LHCGR: variants seen among roughly 807,000 people sequenced by gnomAD.
The protein encoded by LHCGR is lutropin-choriogonadotropic hormone receptor.
A neutral mutation model predicts 60.7 loss-of-function variants in LHCGR; 55 were observed. That is an observed-to-expected ratio of 0.91 (90% CI 0.73 to 1.13). The LOEUF is 1.13. Among genes scored for constraint, LHCGR ranks in the 50% most tolerant of loss-of-function variants. The pLI, the probability that LHCGR is intolerant of heterozygous loss-of-function variation, is 0.00. For synonymous variants in LHCGR, 337 were observed against 316.5 expected, an observed-to-expected ratio of 1.06 and a Z score of -0.69; for missense variants, 862 against 836.0, an observed-to-expected ratio of 1.03 and a Z score of -0.38.
At position 48,710,008 on chromosome 2, in the gene LHCGR, G is replaced by A. The variant is rs184058760; in HGVS notation, c.606-986C>T. ...TACCGTTGATGTGATGATTTCAAGC[G>A]TGGGAACATGATTCTCTTACCACAT... On this transcript the variant is annotated intron_variant, in intron 7 of 10. Transcript: ENST00000294954. Among the ~76,000 whole-genome samples the A allele has an allele frequency of 3.0e-3, 462 of 152,296 alleles. 1 individual carries two copies. Among genetic ancestry groups the A allele is most frequent in the Non-Finnish European group, 4.9e-3 (330 of 68,030 alleles).
At position 48,687,227 on chromosome 2, in the gene LHCGR, A is replaced by G. The variant is rs1423990163; in HGVS notation, c.*470T>C. 6.3e-6 allele frequency: 1 copy of G among 158,868 alleles called. No individual in the cohort carries two copies. Among genetic ancestry groups the G allele is most frequent in the Non-Finnish European group, 1.4e-5 (1 of 72,004 alleles). 9.8% of individuals were successfully genotyped at this position (158,868 alleles called of 1,614,324 possible). On this transcript the variant is annotated 3_prime_UTR_variant, in exon 11 of 11. Coordinates refer to ENST00000294954, the MANE Select transcript of LHCGR (RefSeq NM_000233.4). ...GAAACTACATTTCTCATTTTATTTA[A>G]TTTTAATTTAGCCACATGTGGCTAG...
At chr2:48,704,546 A>G (rs1297692474) in intron 8 of LHCGR, among the ~76,000 whole-genome samples, 2 of 152,130 alleles carry the variant, frequency 1.3e-5, no homozygotes, top group Admixed American at 1.3e-4. Flanking sequence ...GTAGGCTATT[A>G]ACTATTGCCT....
chr2:48,687,560 G>C lies in LHCGR; in HGVS notation c.*137C>G. 8 of 690,006 alleles carry C rather than the reference G, an allele frequency of 1.2e-5. No individual in the cohort carries two copies. The South Asian group carries it at 1.4e-4, about 12-fold the overall frequency. The allele number at this position is 690,006 out of a possible 1,614,324, so 42.7% of individuals were successfully genotyped here. A position where few individuals can be genotyped will look rare whatever the true frequency, so the allele number is the denominator to read the frequency against. Reference sequence around the variant, plus strand: ...TGGTCATAGACTACACTTTCTACTAGGTAGAGGTCTCTTGCCTAATGTACC... The same window carrying C: ...TGGTCATAGACTACACTTTCTACTACGTAGAGGTCTCTTGCCTAATGTACC... On this transcript the variant is annotated 3_prime_UTR_variant, in exon 11 of 11. Transcript: ENST00000294954.
At chr2:48,749,803 G>C (rs943584937) in intron 1 of LHCGR, among the ~76,000 whole-genome samples, 1 of 151,640 alleles carries the variant, frequency 6.6e-6, no homozygotes, top group Non-Finnish European at 1.5e-5. Context: ...AAAGAGATCT[G>C]TGTGTGAACC....
chr2:48,733,032 C>T, intron 1 of LHCGR: 1 of 520,382 alleles, frequency 1.9e-6, no homozygotes, highest in Non-Finnish European at 4.0e-6. Context: ...GTTCGCTTGG[C>T]TTCCTGATTA....
At chr2:48,728,383 C>T (rs1392394804) in intron 3 of LHCGR, among the ~76,000 whole-genome samples, 1 of 152,158 alleles carries the variant, frequency 6.6e-6, no homozygotes, top group Admixed American at 6.5e-5. Context: ...TTTCCCCTTC[C>T]CTAACTTTTG....
At chr2:48,711,785 C>T (rs1668002645) in intron 7 of LHCGR, among the ~76,000 whole-genome samples, 1 of 152,132 alleles carries the variant, frequency 6.6e-6, no homozygotes. Context: ...TTCAGCTATC[C>T]CCTCTATTCA....
chr2:48,697,827 TAAAA>T (rs993195114), intron 9 of LHCGR, among the ~76,000 whole-genome samples: 4 of 151,916 alleles, frequency 2.6e-5, no homozygotes, highest in Non-Finnish European at 5.9e-5. Context: ...GCATTAAAAA[TAAAA>T]AAAGCATAAA....
chr2:48,721,529 A>T (rs1006605901), intron 6 of LHCGR: 2 of 326,420 alleles, frequency 6.1e-6, no homozygotes, highest in African/African-American at 2.2e-5. Context: ...ATGAAGCTAC[A>T]TGGTCACAGC....
chr2:48,742,050 T>G (rs544743811), intron 1 of LHCGR, among the ~76,000 whole-genome samples: 10 of 152,092 alleles, frequency 6.6e-5, no homozygotes, highest in Admixed American at 6.5e-4. Context: ...TCCTAGTCTC[T>G]GATAAAACAG....
chr2:48,724,239 G>T (rs533506286), intron 4 of LHCGR, among the ~76,000 whole-genome samples: 73 of 152,214 alleles, frequency 4.8e-4, no homozygotes, highest in African/African-American at 1.7e-3. Flanking sequence ...ACATTGTTTT[G>T]GTGTTTGGGA....
At chr2:48,699,543 T>G (rs1453177154) in intron 8 of LHCGR, among the ~76,000 whole-genome samples, 2 of 152,218 alleles carry the variant, frequency 1.3e-5, no homozygotes, top group Non-Finnish European at 2.9e-5. Flanking sequence ...TTCAGATGCC[T>G]CAGTCTTTGA....
intron 4 of LHCGR, among the ~76,000 whole-genome samples, chr2:48,724,196 A>G (rs964147496): frequency 3.3e-5 from 5 of 152,220 alleles, no homozygotes; most frequent in African/African-American, 1.2e-4. Flanking sequence ...GCAATTCAGG[A>G]AGTTCTTCTT....
In LHCGR at chr2:48,755,547, A is replaced by T; in HGVS notation, c.125T>A (p.Leu42Gln). 6.5e-7 allele frequency: 1 copy of T among 1,541,838 alleles called. No homozygotes were observed. Among genetic ancestry groups the T allele is most frequent in the South Asian group, 1.2e-5 (1 of 83,744 alleles). Residue 42 changes from leucine (L) to glutamine (Q), a missense_variant, in exon 1 of 11, where the codon CTG (leucine) becomes CAG (glutamine). By Grantham distance (113) the Leu-to-Gln change is moderately radical (BLOSUM62 -2). Coordinates refer to ENST00000294954, the MANE Select transcript of LHCGR (RefSeq NM_000233.4). ...ACCGGCCGTGGGGCCGGGGCAGCGC[A>T]GGGCGCCGTCGGGCACGCAGTTGCA... is the stretch of plus-strand genomic sequence containing the variant. ...EPCNCVPDGA[L>Q]RCPGPTAGLT...
intron 1 of LHCGR, among the ~76,000 whole-genome samples, chr2:48,753,937 G>A (rs900038733): frequency 2.0e-5 from 3 of 152,188 alleles, no homozygotes; most frequent in Non-Finnish European, 2.9e-5. Flanking sequence ...CCTTGAGCAA[G>A]TTATTCCTTC....
intron 1 of LHCGR, among the ~76,000 whole-genome samples, chr2:48,735,933 G>C (rs1456868322): frequency 6.6e-6 from 1 of 152,150 alleles, no homozygotes; most frequent in Non-Finnish European, 1.5e-5. Context: ...CTTTGCTGCT[G>C]CTCTTATGAG....
chr2:48,738,994 CA>C (rs1444084128), intron 1 of LHCGR, among the ~76,000 whole-genome samples: 2 of 152,230 alleles, frequency 1.3e-5, no homozygotes, highest in African/African-American at 4.8e-5. Flanking sequence ...GAACTTGACT[CA>C]CACTTTCCTG....
intron 8 of LHCGR, among the ~76,000 whole-genome samples, chr2:48,704,893 G>A (rs1667587778): frequency 6.6e-6 from 1 of 152,090 alleles, no homozygotes; most frequent in East Asian, 1.9e-4. Flanking sequence ...ATCTCCTTCA[G>A]TTCTGCTCTG....
At chr2:48,740,570 C>A (rs1034044570) in intron 1 of LHCGR, among the ~76,000 whole-genome samples, 1 of 152,146 alleles carries the variant, frequency 6.6e-6, no homozygotes, top group African/African-American at 2.4e-5. Context: ...AGGCACCCCC[C>A]AGTAGGGGCA....
Sources: gnomAD v4.1 joint callset for allele counts (sites outside exome capture counted in the v4.1 genomes callset) on GRCh38, gnomAD v4.1.1 for gene constraint, MANE v1.5 for transcripts, NCBI Gene and HGNC (gene_info 2026-07-23, HGNC 2026-07-21) for gene names.